The following FRY variants were observed in gnomAD, a reference collection of about 807,000 sequenced individuals.
FRY encodes FRY microtubule binding protein, also known as protein furry homolog.
A neutral mutation model predicts 348.4 loss-of-function variants in FRY; 128 were observed. The ratio of observed to expected loss-of-function variants is 0.37; its 90% confidence interval spans 0.32 to 0.43. The LOEUF (loss-of-function observed/expected upper bound fraction) is 0.43, where lower values mean the gene tolerates loss of function less well. Among genes scored for constraint, FRY ranks in the 20% least tolerant of loss-of-function variants. The pLI is 1.00. For missense variants in FRY, 2,736 were observed against 3,695.2 expected (o/e 0.74, Z 6.73); for synonymous variants, 1,370 against 1,374.7 (o/e 1.00, Z 0.08).
chr13:32,200,637 T>G (rs949320049), intron 29 of FRY, among the ~76,000 whole-genome samples: 1 of 152,222 alleles, frequency 6.6e-6, no homozygotes, highest in African/African-American at 2.4e-5. Flanking sequence ...AGTTTTCTAC[T>G]TACGACTTCT....
chr13:32,221,578 T>C (rs1449301035), intron 36 of FRY, among the ~76,000 whole-genome samples: 1 of 152,256 alleles, frequency 6.6e-6, no homozygotes, highest in African/African-American at 2.4e-5. Context: ...AATGTCACGA[T>C]CTTGGCTCAC....
Position 32,224,981 on chromosome 13 carries a change from T to C in FRY, c.4965T>C (p.Ser1655=). The C allele has an allele frequency of 1.9e-6, 3 of 1,612,508 alleles. No individual in the cohort carries two copies. The highest frequency in any genetic ancestry group is 1.7e-4 in the Middle Eastern group (1 of 6,058). ...IFMTEMVVDH[S]VREDWALHLP... ...TGACTGAAATGGTGGTGGATCACAG[T>C]GTACGAGAAGACTGGGCGCTTCATC... is the stretch of plus-strand genomic sequence containing the variant. The change falls in exon 38 of 61, where the codon AGT becomes AGC. Residue 1655 remains serine, a synonymous_variant. Coordinates refer to ENST00000542859, the MANE Select transcript of FRY (RefSeq NM_023037.3).
chr13:32,100,330 C>T (rs1054437181), intron 2 of FRY, among the ~76,000 whole-genome samples: 2 of 151,900 alleles, frequency 1.3e-5, no homozygotes, highest in Non-Finnish European at 2.9e-5. Context: ...CTGCCCGCCT[C>T]GGCCTCCCAA....
Position 32,296,535 on chromosome 13 carries a change from C to T in FRY, c.*1075C>T, listed in dbSNP as rs999571111. ...ACATATTCAGAGTTTATCTATGTAA[C>T]TTATTCACTCTGTAAATACATTTAA... On this transcript the variant is annotated 3_prime_UTR_variant, in exon 61 of 61. Coordinates refer to ENST00000542859, the MANE Select transcript of FRY (RefSeq NM_023037.3). 1 of 151,316 alleles carries T rather than the reference C, an allele frequency of 6.6e-6. No homozygotes were observed. Among genetic ancestry groups the T allele is most frequent in the African/African-American group, 2.4e-5 (1 of 40,956 alleles). 9.4% of individuals were successfully genotyped at this position (151,316 alleles called of 1,614,324 possible).
intron 13 of FRY, 58 bp from the exon 14 acceptor site, chr13:32,149,690 A>G: frequency 9.7e-7 from 1 of 1,033,288 alleles, no homozygotes; most frequent in Non-Finnish European, 1.5e-6. Context: ...GAAAATAGCC[A>G]TTTTCTGTTG....
chr13:32,189,397 C>T (rs1443631201), intron 28 of FRY, among the ~76,000 whole-genome samples: 2 of 151,896 alleles, frequency 1.3e-5, no homozygotes, highest in Admixed American at 6.6e-5. Flanking sequence ...TCTGAAGACT[C>T]TCATATTAAA....
chr13:32,049,198 G>T (rs973225570), intron 1 of FRY, among the ~76,000 whole-genome samples: 1 of 152,206 alleles, frequency 6.6e-6, no homozygotes, highest in African/African-American at 2.4e-5. Context: ...GTTCCATGGA[G>T]ACTGTGACAT....
At chr13:32,198,270 A>C (rs577013352) in intron 29 of FRY, among the ~76,000 whole-genome samples, 1 of 152,296 alleles carries the variant, frequency 6.6e-6, no homozygotes, top group Admixed American at 6.5e-5. Flanking sequence ...ATCCAGCAAT[A>C]TATTTGGCTC....
At position 32,275,222 on chromosome 13, in the gene FRY, C is replaced by CAA. The variant is rs770397293; in HGVS notation, c.8286+246_8286+247dup. ...TGAAACCCCGTATCTATTAAAAATA[C>CAA]AAAAAAAAAAAAAAAATTAGCCGGG... On this transcript the variant is annotated intron_variant, in intron 56 of 60. Coordinates refer to ENST00000542859, the MANE Select transcript of FRY (RefSeq NM_023037.3). The CAA allele has an allele frequency of 6.0e-3, 1,243 of 206,680 alleles. 2 individuals carry two copies. Among genetic ancestry groups the CAA allele is most frequent in the Middle Eastern group, 7.6e-3 (4 of 526 alleles). 12.8% of individuals were successfully genotyped at this position (206,680 alleles called of 1,614,324 possible).
At position 32,294,588 on chromosome 13, in the gene FRY, T is replaced by C; in HGVS notation, c.8783+18T>C. 1 of 1,595,654 alleles carries C rather than the reference T, an allele frequency of 6.3e-7. No homozygotes were observed. The highest frequency in any genetic ancestry group is 8.6e-7 in the Non-Finnish European group (1 of 1,163,220). On this transcript the variant is annotated intron_variant, in intron 60 of 60. Coordinates refer to ENST00000542859, the MANE Select transcript of FRY (RefSeq NM_023037.3). ...GAGTGCAGGTGACTCTGCTATTTCTTTTAGAGGTGGTTGCAGGAAATGCAC... is the reference window on the plus strand; with the variant it reads ...GAGTGCAGGTGACTCTGCTATTTCTCTTAGAGGTGGTTGCAGGAAATGCAC...
intron 28 of FRY, among the ~76,000 whole-genome samples, chr13:32,190,297 C>T (rs941960161): frequency 6.6e-6 from 1 of 151,984 alleles, no homozygotes; most frequent in Non-Finnish European, 1.5e-5. Flanking sequence ...CCACCTCTAT[C>T]AACATCATAC....
intron 2 of FRY, among the ~76,000 whole-genome samples, chr13:32,092,168 C>A (rs963377163): frequency 6.6e-6 from 1 of 152,188 alleles, no homozygotes; most frequent in African/African-American, 2.4e-5. Context: ...TCTCTGAGGG[C>A]AGTAATACTT....
chr13:32,187,417 G>T (rs1883085271), intron 27 of FRY, 129 bp from the exon 28 acceptor site: 2 of 679,036 alleles, frequency 2.9e-6, no homozygotes, highest in South Asian at 3.1e-5. Context: ...TAAAAATCAT[G>T]GGGAAATAAG....
In FRY at chr13:32,274,951, C is replaced by T. The variant is rs1336841249; in HGVS notation, c.8246C>T (p.Ser2749Phe). The T allele has an allele frequency of 6.2e-7, 1 of 1,613,858 alleles. No individual in the cohort carries two copies. The highest frequency in any genetic ancestry group is 8.5e-7 in the Non-Finnish European group (1 of 1,179,792). The change falls in exon 56 of 61, where the codon TCC (serine) becomes TTC (phenylalanine). Residue 2749 changes from serine to phenylalanine, a missense_variant. Ser to Phe is a radical substitution (Grantham distance 155). This residue lies in a region of FRY where 789 missense variants were observed against 996.2 expected (regional missense o/e 0.79). Transcript: ENST00000542859. ...KFVSSSQMLT[S>F]CSECPTLFVD... is the part of the protein sequence containing the mutation. ...GTCAGCTCTTCCCAGATGCTCACCT[C>T]CTGCTCTGAATGTCCTACACTTTTT...
rs542968239 is a variant in FRY, at chr13:32,136,490, A to G, written c.1078-381A>G. ...GTCTATGAGCAAAAAAGCCAATAAC[A>G]TTTTCAAAATCTGTGTGCCTTCCTG... is the stretch of plus-strand genomic sequence containing the variant. On this transcript the variant is annotated intron_variant, in intron 10 of 60. Transcript: ENST00000542859. 4.6e-5 allele frequency among the ~76,000 whole-genome samples: 7 copies of G among 152,298 alleles called. No individual in the cohort carries two copies. The South Asian group carries it at 1.5e-3, about 32-fold the overall frequency.
Position 32,173,378 on chromosome 13 carries a change from T to C in FRY, c.2163T>C (p.Asn721=). ...TTATTGCATAACAGCTCATCGCAAA[T>C]GGCTCCAGTCACAGAATTCAGTCGG... ...NKIRNSELIA[N]GSSHRIQSER... The change falls in exon 19 of 61, where the codon AAT becomes AAC. Residue 721 remains asparagine, a synonymous_variant. Coordinates refer to ENST00000542859, the MANE Select transcript of FRY (RefSeq NM_023037.3). 6.2e-7 allele frequency: 1 copy of C among 1,611,586 alleles called. No individual in the cohort carries two copies. The highest frequency in any genetic ancestry group is 8.5e-7 in the Non-Finnish European group (1 of 1,179,276).
chr13:32,173,877 T>C (rs1176046122), intron 19 of FRY, among the ~76,000 whole-genome samples: 19 of 152,250 alleles, frequency 1.2e-4, no homozygotes, highest in Non-Finnish European at 2.1e-4. Flanking sequence ...ATTATTACTT[T>C]ATATTAGAGA....
At chr13:32,295,124 T>C in intron 60 of FRY, 78 bp from the exon 61 acceptor site, 1 of 1,266,650 alleles carries the variant, frequency 7.9e-7, no homozygotes, top group South Asian at 1.2e-5. Context: ...GTAATACTCT[T>C]ATATTAATGA....
intron 2 of FRY, among the ~76,000 whole-genome samples, chr13:32,083,518 C>G (rs1875636182): frequency 6.6e-6 from 1 of 152,012 alleles, no homozygotes. Context: ...TTTCATTGAG[C>G]CTCTTTTTCT....
Sources: gnomAD v4.1 joint callset for allele counts (sites outside exome capture counted in the v4.1 genomes callset) on GRCh38, gnomAD v4.1.1 for gene constraint, gnomAD v4.1.1 regional missense constraint, MANE v1.5 for transcripts, NCBI Gene and HGNC (gene_info 2026-07-23, HGNC 2026-07-21) for gene names.